Variants in LHFPL4 observed in about 807,000 individuals in gnomAD.
LHFPL4 encodes LHFPL tetraspan subfamily member 4 protein.
LHFPL4 carries 6 observed loss-of-function variants against 20.0 expected under a neutral mutation model. The ratio of observed to expected loss-of-function variants is 0.30; its 90% CI spans 0.16 to 0.59. The LOEUF (loss-of-function observed/expected upper bound fraction) is 0.59, where lower values mean the gene tolerates loss of function less well. LHFPL4 is among the 20% of genes least tolerant of loss of function. The pLI is 0.88. For missense variants in LHFPL4, 215 were observed against 331.2 expected (o/e 0.65, Z 2.72); for synonymous variants, 129 against 143.8 (o/e 0.90, Z 0.74).
intron 2 of LHFPL4, among the ~76,000 whole-genome samples, chr3:9,529,681 C>T (rs1237479785): frequency 6.6e-6 from 1 of 152,046 alleles, no homozygotes; most frequent in Non-Finnish European, 1.5e-5. Context: ...TTCACCCAGG[C>T]TGGAGTGCAG....
At chr3:9,512,198 TG>T (rs1459961675) in intron 2 of LHFPL4, among the ~76,000 whole-genome samples, 3 of 152,246 alleles carry the variant, frequency 2.0e-5, no homozygotes, top group African/African-American at 7.2e-5. Context: ...CCCACAGTGC[TG>T]GGATTACAGG....
intron 2 of LHFPL4, among the ~76,000 whole-genome samples, chr3:9,517,340 C>T (rs988381519): frequency 5.9e-5 from 9 of 152,094 alleles, no homozygotes; most frequent in Non-Finnish European, 1.3e-4. Flanking sequence ...TACCCATGAA[C>T]ATGGTATATA....
Position 9,552,684 on chromosome 3 carries a change from C to T in LHFPL4, c.-5G>A, listed in dbSNP as rs770542296. 6.4e-6 allele frequency: 9 copies of T among 1,410,414 alleles called. No individual in the cohort carries two copies. The Admixed American group carries it at 9.7e-5, about 15-fold the overall frequency. 87.4% of individuals were successfully genotyped at this position (1,410,414 alleles called of 1,614,324 possible). ...GGCCTCCTGCGAGGGCAGCATGGTGCCCGGAGGCGGGGCCGGCGGCGGCGG... is the reference window on the plus strand; with the variant it reads ...GGCCTCCTGCGAGGGCAGCATGGTGTCCGGAGGCGGGGCCGGCGGCGGCGG... On this transcript the variant is annotated 5_prime_UTR_variant, in exon 2 of 4. Coordinates refer to ENST00000287585, the MANE Select transcript of LHFPL4 (RefSeq NM_198560.3).
At position 9,506,320 on chromosome 3, in the gene LHFPL4, G is replaced by T; in HGVS notation, c.407-117C>A. 2.7e-6 allele frequency: 2 copies of T among 746,640 alleles called. No individual in the cohort carries two copies. Among genetic ancestry groups the T allele is most frequent in the Non-Finnish European group, 4.6e-6 (2 of 431,326 alleles). 46.3% of individuals were successfully genotyped at this position (746,640 alleles called of 1,614,324 possible). ...ATTGAGGGCACATCAACCCAACCACGTGCTTGTTACCCACTTCCACAGAGG... is the reference window on the plus strand; with the variant it reads ...ATTGAGGGCACATCAACCCAACCACTTGCTTGTTACCCACTTCCACAGAGG... On this transcript the variant is annotated intron_variant, in intron 2 of 3. Transcript: ENST00000287585. This position sits in a 1 kb window ranked among gnomAD's most constrained non-coding sequence, Gnocchi z 4.5.
At chr3:9,515,541 T>A (rs2046293688) in intron 2 of LHFPL4, among the ~76,000 whole-genome samples, 2 of 152,078 alleles carry the variant, frequency 1.3e-5, no homozygotes, top group South Asian at 4.2e-4. Flanking sequence ...ACCTGGCTCA[T>A]TTCTGTATTT....
intron 3 of LHFPL4, 123 bp downstream of exon 3, chr3:9,505,844 C>T (rs2046214325): frequency 7.4e-6 from 7 of 940,492 alleles, no homozygotes; most frequent in South Asian, 6.0e-5. Flanking sequence ...TAGGCGTGAG[C>T]CACCACGCCC....
At chr3:9,503,136 G>A (rs1035227473) in intron 3 of LHFPL4, among the ~76,000 whole-genome samples, 3 of 152,022 alleles carry the variant, frequency 2.0e-5, no homozygotes, top group Non-Finnish European at 4.4e-5. Context: ...CTTTTGGCTC[G>A]GAGGTCTTTG....
At chr3:9,521,885 A>G (rs1267592423) in intron 2 of LHFPL4, among the ~76,000 whole-genome samples, 1 of 152,004 alleles carries the variant, frequency 6.6e-6, no homozygotes, top group East Asian at 1.9e-4. Flanking sequence ...ATTCAAAATG[A>G]TTATTGCTAT....
chr3:9,513,110 C>T (rs1321177659), intron 2 of LHFPL4, among the ~76,000 whole-genome samples: 1 of 152,046 alleles, frequency 6.6e-6, no homozygotes, highest in Non-Finnish European at 1.5e-5. Flanking sequence ...CAGGCGCCCG[C>T]CACTACTCCC....
chr3:9,502,243 G>T lies in LHFPL4; in HGVS notation c.712C>A (p.Pro238Thr). 1 of 1,614,088 alleles carries T rather than the reference G, an allele frequency of 6.2e-7. No individual in the cohort carries two copies. Among genetic ancestry groups the T allele is most frequent in the Non-Finnish European group, 8.5e-7 (1 of 1,179,972 alleles). The change falls in exon 4 of 4, where the codon CCC becomes ACC. Residue 238 changes from proline (P) to threonine (T), a missense_variant. By Grantham distance (38) the Pro-to-Thr change is conservative (BLOSUM62 -1). Coordinates refer to ENST00000287585, the MANE Select transcript of LHFPL4 (RefSeq NM_198560.3). ...CCCTGTGAGTGAGCCACGGGGCAGG[G>T]AAGGACTCCCCATCCAGAGACATCA... ...GGDVSGWGVL[P>T]CPVAHSQGP is the part of the protein sequence containing the mutation.
intron 2 of LHFPL4, among the ~76,000 whole-genome samples, chr3:9,525,705 A>G (rs1448173117): frequency 1.3e-5 from 2 of 152,230 alleles, no homozygotes; most frequent in Non-Finnish European, 2.9e-5. Context: ...TTTCTTTGAC[A>G]CAACGTCATC....
At chr3:9,523,077 G>GAAGAAAGAAGAAAGA (rs1553647473) in intron 2 of LHFPL4, among the ~76,000 whole-genome samples, 1 of 114,034 alleles carries the variant, frequency 8.8e-6, no homozygotes, top group Non-Finnish European at 1.8e-5. Context: ...GAAAGAAAAG[G>GAAGAAAGAAGAAAGA]AAGAAAGAAA....
At chr3:9,513,869 A>G (rs2046279641) in intron 2 of LHFPL4, among the ~76,000 whole-genome samples, 1 of 152,168 alleles carries the variant, frequency 6.6e-6, no homozygotes. Flanking sequence ...GGACATCTCC[A>G]TTGGTTTTGG....
intron 2 of LHFPL4, among the ~76,000 whole-genome samples, chr3:9,518,933 A>G (rs200501631): frequency 1.4e-5 from 2 of 140,670 alleles, no homozygotes; most frequent in East Asian, 2.0e-4. Flanking sequence ...TTGTTTATTT[A>G]TTTATTTATT....
intron 2 of LHFPL4, among the ~76,000 whole-genome samples, chr3:9,522,037 G>A (rs967935186): frequency 6.6e-6 from 1 of 151,796 alleles, no homozygotes; most frequent in Admixed American, 6.6e-5. Context: ...TAGAATATCA[G>A]TTATACTTAA....
chr3:9,498,490 C>G lies in LHFPL4; in HGVS notation c.*3721G>C, dbSNP rs1454428923. ...TTAGACAATGAACAGCGAGGACACA[C>G]TCAGACAAAACTTACTAATGGGGTA... is the stretch of plus-strand genomic sequence containing the variant. On this transcript the variant is annotated 3_prime_UTR_variant, in exon 4 of 4. Transcript: ENST00000287585. 1 of 152,756 alleles carries G rather than the reference C, an allele frequency of 6.5e-6. No homozygotes were observed. The highest frequency in any genetic ancestry group is 2.4e-5 in the African/African-American group (1 of 41,434). The allele number at this position is 152,756 out of a possible 1,614,324, so 9.5% of individuals were successfully genotyped here.
intron 2 of LHFPL4, among the ~76,000 whole-genome samples, chr3:9,527,809 AACACACACACACACACAC>A (rs58489008): frequency 3.5e-5 from 5 of 143,180 alleles, no homozygotes; most frequent in African/African-American, 1.0e-4. Context: ...TTCAAATACA[AACACACACACACACACAC>A]ACACACACAC....
intron 2 of LHFPL4, among the ~76,000 whole-genome samples, chr3:9,546,762 C>T (rs1189905564): frequency 6.6e-6 from 1 of 152,236 alleles, no homozygotes; most frequent in Non-Finnish European, 1.5e-5. Context: ...TCACAAACTG[C>T]TCTTCCCTCG....
intron 2 of LHFPL4, among the ~76,000 whole-genome samples, chr3:9,550,181 T>G (rs2046544472): frequency 6.6e-6 from 1 of 152,194 alleles, no homozygotes; most frequent in South Asian, 2.1e-4. Context: ...AGACTCGTAG[T>G]CCAGTGGTCT....
Sources: allele counts gnomAD v4.1 joint callset (sites outside exome capture counted in the v4.1 genomes callset), GRCh38; gene constraint gnomAD v4.1.1; non-coding constraint Gnocchi (gnomAD v3.1); transcripts MANE v1.5; gene names NCBI Gene and HGNC (gene_info 2026-07-23, HGNC 2026-07-21).